DDX60L: variants seen among roughly 807,000 people sequenced by gnomAD.
The protein encoded by DDX60L is DExD/H-box 60 like.
In DDX60L, 191 loss-of-function variants were observed where a neutral mutation model predicts 211.6. That is an observed-to-expected ratio of 0.90 (90% CI 0.80 to 1.02). The LOEUF (loss-of-function observed/expected upper bound fraction) is 1.02, where lower values mean the gene tolerates loss of function less well. Ranked by LOEUF, DDX60L falls within the 50% of genes least tolerant of loss-of-function variation. The pLI, the probability that DDX60L is intolerant of heterozygous loss-of-function variation, is 0.00. For missense variants in DDX60L, 2,007 were observed against 1,984.1 expected, an observed-to-expected ratio of 1.01 and a Z score of -0.22; for synonymous variants, 706 against 694.1, an observed-to-expected ratio of 1.02 and a Z score of -0.27.
chr4:168,456,098 G>A lies in DDX60L; in HGVS notation c.778C>T (p.Gln260Ter). Reference protein sequence around the residue: ...QHLWSEGSDIQRVLCVTSCSL... With the variant: ...QHLWSEGSDI ...CATGAAGTGACACAGAGAACACGCT[G>A]GATGTCCGATCCTTCTGACCATAGG... is the stretch of plus-strand genomic sequence containing the variant. Residue 260 changes from glutamine (Q) to a stop codon, truncating the protein, a stop_gained, in exon 7 of 38, where the codon CAG (glutamine) becomes TAG (stop). Transcript: ENST00000682922. LOFTEE classifies it high-confidence loss of function. The A allele has an allele frequency of 6.3e-7, 1 of 1,595,552 alleles. No individual in the cohort carries two copies. The highest frequency in any genetic ancestry group is 1.1e-5 in the South Asian group (1 of 87,110).
At position 168,472,807 on chromosome 4, in the gene DDX60L, C is replaced by T. The variant is rs893447224; in HGVS notation, c.-108G>A. On this transcript the variant is annotated splice_region_variant and 5_prime_UTR_variant, in exon 2 of 38. In the 5' UTR this introduces an upstream ATG that the reference lacks. Transcript: ENST00000682922. ...ATGGCTACATTTGATGTGAATGGCA[C>T]CTCTGTAATAAAAGAAAAAATAGAA... The T allele has an allele frequency of 5.9e-6, 7 of 1,196,558 alleles. No individual in the cohort carries two copies. The East Asian group carries it at 1.2e-4, about 21-fold the overall frequency. The allele number at this position is 1,196,558 out of a possible 1,614,324, so 74.1% of individuals were successfully genotyped here. A position where few individuals can be genotyped will look rare whatever the true frequency, so the allele number is the denominator to read the frequency against.
chr4:168,432,604 T>C (rs1016266742), intron 11 of DDX60L, 34 bp from the exon 12 acceptor site: 11 of 1,331,536 alleles, frequency 8.3e-6, no homozygotes, highest in African/African-American at 6.0e-5. Flanking sequence ...TTTTAAATTT[T>C]AAGCTTTTCA....
At chr4:168,422,377 A>C in intron 16 of DDX60L, 147 bp downstream of exon 16, 1 of 728,550 alleles carries the variant, frequency 1.4e-6, no homozygotes, top group Non-Finnish European at 2.1e-6. Context: ...ATGATTTCTC[A>C]TACTCTAGTT....
intron 27 of DDX60L, among the ~76,000 whole-genome samples, chr4:168,395,128 AG>A (rs1745547542): frequency 6.6e-6 from 1 of 152,218 alleles, no homozygotes; most frequent in South Asian, 2.1e-4. Context: ...CAGTTGGCAA[AG>A]ATGTCAAAGG....
At chr4:168,429,648 T>C (rs1236106093) in intron 13 of DDX60L, among the ~76,000 whole-genome samples, 2 of 152,246 alleles carry the variant, frequency 1.3e-5, no homozygotes, top group Non-Finnish European at 2.9e-5. Context: ...GATTTGGGTC[T>C]GTGGCCCCAC....
intron 22 of DDX60L, among the ~76,000 whole-genome samples, chr4:168,414,331 T>G (rs879334123): frequency 6.6e-6 from 1 of 152,140 alleles, no homozygotes; most frequent in Non-Finnish European, 1.5e-5. Context: ...TATTATAACA[T>G]TGTAATTGTG....
chr4:168,450,107 T>C (rs945214037), intron 8 of DDX60L, among the ~76,000 whole-genome samples: 1 of 152,196 alleles, frequency 6.6e-6, no homozygotes, highest in Non-Finnish European at 1.5e-5. Context: ...TTAGAAATTA[T>C]GGCTTAGGAG....
At chr4:168,448,556 T>G (rs1195389069) in intron 9 of DDX60L, 82 bp downstream of exon 9, 1 of 1,043,704 alleles carries the variant, frequency 9.6e-7, no homozygotes, top group Non-Finnish European at 1.4e-6. Context: ...ACAAAAATGT[T>G]GCTGTGGTAT....
chr4:168,441,799 G>A (rs918939733), intron 9 of DDX60L, among the ~76,000 whole-genome samples: 5 of 152,044 alleles, frequency 3.3e-5, no homozygotes, highest in Non-Finnish European at 5.9e-5. Context: ...TCTGGGCAAT[G>A]TACCGAGATG....
Position 168,423,646 on chromosome 4 carries a change from C to T in DDX60L, c.2059G>A (p.Gly687Ser), listed in dbSNP as rs1267152755. The change falls in exon 15 of 38, where the codon GGC becomes AGC. Residue 687 changes from glycine (G) to serine (S), a missense_variant. Coordinates refer to ENST00000682922, the MANE Select transcript of DDX60L (RefSeq NM_001012967.3). ...QYIAKCLKYL[G>S]FNDLANSLDP... ...AAAGAGTTTGCCAGATCATTAAAGCCTAAATATTTAAGGCATTTAGCTATA... is the reference window on the plus strand; with the variant it reads ...AAAGAGTTTGCCAGATCATTAAAGCTTAAATATTTAAGGCATTTAGCTATA... The T allele has an allele frequency of 6.3e-7, 1 of 1,595,112 alleles. No homozygotes were observed. The highest frequency in any genetic ancestry group is 1.1e-5 in the South Asian group (1 of 87,528).
Position 168,458,424 on chromosome 4 carries a change from T to C in DDX60L, c.607-416A>G, listed in dbSNP as rs143694179. Among the ~76,000 whole-genome samples the C allele has an allele frequency of 6.7e-3, 1,014 of 152,204 alleles. 14 individuals carry two copies. The highest frequency in any genetic ancestry group is 0.02 in the African/African-American group (843 of 41,540). Reference sequence around the variant, plus strand: ...AACCCAAATGCCCATCAATCATAGATTGGATAAAGAAAATGTGGTACATAT... The same window carrying C: ...AACCCAAATGCCCATCAATCATAGACTGGATAAAGAAAATGTGGTACATAT... On this transcript the variant is annotated intron_variant, in intron 5 of 37. Transcript: ENST00000682922.
chr4:168,395,328 A>G (rs939684963), intron 27 of DDX60L, among the ~76,000 whole-genome samples: 4 of 152,168 alleles, frequency 2.6e-5, no homozygotes, highest in African/African-American at 9.7e-5. Flanking sequence ...TTACAGACCA[A>G]TTTGTATATA....
rs558508546 is a variant in DDX60L, at chr4:168,371,775, C to T, written c.4777-12G>A. The T allele has an allele frequency of 6.3e-7, 1 of 1,589,598 alleles. No individual in the cohort carries two copies. ...GTGCGCAGGATGACCTGAAGAAAGACATTTTCTATTACTTCATTACTGATA... is the reference window on the plus strand; with the variant it reads ...GTGCGCAGGATGACCTGAAGAAAGATATTTTCTATTACTTCATTACTGATA... On this transcript the variant is annotated splice_polypyrimidine_tract_variant and intron_variant, in intron 35 of 37. Transcript: ENST00000682922.
Position 168,460,524 on chromosome 4 carries a change from C to T in DDX60L, c.606+1175G>A, listed in dbSNP as rs151327208. On this transcript the variant is annotated intron_variant, in intron 5 of 37. Coordinates refer to ENST00000682922, the MANE Select transcript of DDX60L (RefSeq NM_001012967.3). ...AGGATCTGGGCGGCAGGACACCCTA[C>T]GGCTAAATATAGAAGCTAGAGACAT... Among the ~76,000 whole-genome samples, 1,021 of 152,154 alleles carry T rather than the reference C, an allele frequency of 6.7e-3. 16 individuals carry two copies. Among genetic ancestry groups the T allele is most frequent in the Middle Eastern group, 0.014 (4 of 294 alleles).
At chr4:168,402,449 A>G (rs1746998280) in intron 25 of DDX60L, among the ~76,000 whole-genome samples, 1 of 152,094 alleles carries the variant, frequency 6.6e-6, no homozygotes, top group Admixed American at 6.6e-5. Context: ...ATTCTAGTGA[A>G]TGGGCCTCAA....
At chr4:168,430,375 A>T in intron 13 of DDX60L, 103 bp downstream of exon 13, 2 of 1,010,744 alleles carry the variant, frequency 2.0e-6, no homozygotes, top group Non-Finnish European at 2.8e-6. Flanking sequence ...GTTAGCAAAC[A>T]TGAGAAAGAA....
chr4:168,399,570 G>T (rs1746432130), intron 26 of DDX60L, among the ~76,000 whole-genome samples: 1 of 152,188 alleles, frequency 6.6e-6, no homozygotes, highest in African/African-American at 2.4e-5. Context: ...AGAACAACCA[G>T]ACCAGCACCT....
chr4:168,461,212 G>C (rs1757279745), intron 5 of DDX60L, among the ~76,000 whole-genome samples: 1 of 152,142 alleles, frequency 6.6e-6, no homozygotes. Flanking sequence ...CCCCACCCTA[G>C]GTTACCTCAT....
chr4:168,362,179 C>T lies in DDX60L; in HGVS notation c.4929-968G>A, dbSNP rs111296503. The stretch of plus-strand genomic sequence containing the variant: ...GTGGCCCCACCTCCTGAAAAGACTG[C>T]GGCATGCCAGTCAGCCCAGCATGCA... On this transcript the variant is annotated intron_variant, in intron 36 of 37. Coordinates refer to ENST00000682922, the MANE Select transcript of DDX60L (RefSeq NM_001012967.3). Among the ~76,000 whole-genome samples the T allele has an allele frequency of 1.1e-3, 166 of 152,322 alleles. 1 individual carries two copies. Among genetic ancestry groups the T allele is most frequent in the East Asian group, 3.5e-3 (18 of 5,186 alleles).
Sources: allele counts gnomAD v4.1 joint callset (sites outside exome capture counted in the v4.1 genomes callset), GRCh38; gene constraint gnomAD v4.1.1; transcripts MANE v1.5; gene names NCBI Gene and HGNC (gene_info 2026-07-23, HGNC 2026-07-21).